PCDHGA9: variants seen among roughly 807,000 people sequenced by gnomAD.
The protein encoded by PCDHGA9 is protocadherin gamma-A9.
Under a neutral mutation model 62.5 loss-of-function variants are expected in PCDHGA9, and 37 were observed. That is an observed-to-expected ratio of 0.59 (90% CI 0.46 to 0.78). The LOEUF is 0.78. Among genes scored for constraint, PCDHGA9 ranks in the 30% least tolerant of loss-of-function variants. The probability of loss-of-function intolerance (pLI) is 0.00; values close to 1 mark genes in which losing one functional copy is unlikely to be tolerated. For missense variants in PCDHGA9, 1,138 were observed against 1,166.2 expected, an observed-to-expected ratio of 0.98 and a Z score of 0.35; for synonymous variants, 459 against 484.6, an observed-to-expected ratio of 0.95 and a Z score of 0.69.
At chr5:141,409,904 G>A in intron 1 of PCDHGA9, 3 of 1,613,278 alleles carry the variant, frequency 1.9e-6, no homozygotes, top group Non-Finnish European at 2.5e-6. Flanking sequence ...CCCAGCTCTG[G>A]GTCCTGACGG....
chr5:141,422,883 C>A, intron 1 of PCDHGA9: 1 of 1,614,242 alleles, frequency 6.2e-7, no homozygotes, highest in Non-Finnish European at 8.5e-7. Flanking sequence ...TGAGCCTGTT[C>A]GTGCTGGACC....
Position 141,501,335 on chromosome 5 carries a change from C to A in PCDHGA9, c.2484-4058C>A, listed in dbSNP as rs977626682. 1.5e-4 allele frequency among the ~76,000 whole-genome samples: 20 copies of A among 135,718 alleles called. No individual in the cohort carries two copies. In the East Asian group the frequency reaches 2.2e-3, roughly 15 times the overall value. The allele number at this position is 135,718 out of a possible 152,430, so 89.0% of individuals were successfully genotyped here. The stretch of plus-strand genomic sequence containing the variant: ...CACACACACACACACACACACACAC[C>A]CCAAACTCAATAGGGCAAGAACCAT... On this transcript the variant is annotated intron_variant, in intron 2 of 3. Transcript: ENST00000573521.
chr5:141,414,649 AT>A (rs1410490912), intron 1 of PCDHGA9: 15 of 1,613,914 alleles, frequency 9.3e-6, no homozygotes, highest in Non-Finnish European at 1.3e-5. Context: ...TGCCCAGATT[AT>A]TTACTCCCTG....
chr5:141,501,419 C>A (rs910783867), intron 2 of PCDHGA9, among the ~76,000 whole-genome samples: 1 of 151,920 alleles, frequency 6.6e-6, no homozygotes, highest in Non-Finnish European at 1.5e-5. Flanking sequence ...AAATAGTTGA[C>A]TAAATGTAGT....
intron 1 of PCDHGA9, chr5:141,484,931 A>G (rs940135310): frequency 1.4e-5 from 7 of 497,998 alleles, no homozygotes; most frequent in Non-Finnish European, 2.5e-5. Flanking sequence ...TGCTGTTGGG[A>G]CGTTCTCTGC....
At chr5:141,421,973 G>C in intron 1 of PCDHGA9, 1 of 1,610,100 alleles carries the variant, frequency 6.2e-7, no homozygotes, top group Non-Finnish European at 8.5e-7. Context: ...TCCGTATATC[G>C]CGTGAGTGTT....
chr5:141,487,162 G>T lies in PCDHGA9; in HGVS notation c.2425-7645G>T, dbSNP rs2099640627. 6.2e-7 allele frequency: 1 copy of T among 1,613,496 alleles called. No individual in the cohort carries two copies. Among genetic ancestry groups the T allele is most frequent in the African/African-American group, 1.3e-5 (1 of 75,026 alleles). On this transcript the variant is annotated intron_variant, in intron 1 of 3. Transcript: ENST00000573521. This position sits in a 1 kb window ranked among gnomAD's most constrained non-coding sequence, Gnocchi z 5.0. ...TCTCTACCTCTGTTACTCTCTTAGTGTCCTTAGAGGAAGACACTCATCCAG... is the reference window on the plus strand; with the variant it reads ...TCTCTACCTCTGTTACTCTCTTAGTTTCCTTAGAGGAAGACACTCATCCAG...
intron 1 of PCDHGA9, chr5:141,417,791 C>T: frequency 6.7e-7 from 1 of 1,482,658 alleles, no homozygotes; most frequent in Non-Finnish European, 9.0e-7. Context: ...GCCGAATGCT[C>T]TTTTAGCGCG....
chr5:141,503,598 CAAAA>C (rs765754054), intron 2 of PCDHGA9, among the ~76,000 whole-genome samples: 2 of 65,756 alleles, frequency 3.0e-5, no homozygotes. Flanking sequence ...GACTCCAGCT[CAAAA>C]AAAAAAAAAA....
chr5:141,430,108 G>A (rs572634913), intron 1 of PCDHGA9, among the ~76,000 whole-genome samples: 1 of 152,190 alleles, frequency 6.6e-6, no homozygotes, highest in South Asian at 2.1e-4. Context: ...AGCGTTACAT[G>A]TCAACAACCT....
At chr5:141,428,024 A>G (rs2097101613) in intron 1 of PCDHGA9, 1 of 1,606,106 alleles carries the variant, frequency 6.2e-7, no homozygotes, top group African/African-American at 1.3e-5. Context: ...CACGCGCCGC[A>G]GAGTCCGGCT....
At chr5:141,442,708 A>C (rs2098338740) in intron 1 of PCDHGA9, among the ~76,000 whole-genome samples, 2 of 152,254 alleles carry the variant, frequency 1.3e-5, no homozygotes, top group Non-Finnish European at 2.9e-5. Context: ...AGTATCAGAC[A>C]TGCCAGAGCA....
At position 141,403,420 on chromosome 5, in the gene PCDHGA9, A is replaced by G; in HGVS notation, c.468A>G (p.Glu156=). The change falls in exon 1 of 4, where the codon GAA becomes GAG. Residue 156 remains glutamate (E), a synonymous_variant. Transcript: ENST00000573521. ...CTGGAGCACGTTATCCACTTCCAGA[A>G]GCTATTGATCCGGATGTTGGCGTGA... is the stretch of plus-strand genomic sequence containing the variant. ...AVPGARYPLP[E]AIDPDVGVNS... 1 of 1,614,050 alleles carries G rather than the reference A, an allele frequency of 6.2e-7. No individual in the cohort carries two copies. Among genetic ancestry groups the G allele is most frequent in the African/African-American group, 1.3e-5 (1 of 75,076 alleles).
At chr5:141,460,088 A>C (rs1225262213) in intron 1 of PCDHGA9, among the ~76,000 whole-genome samples, 2 of 151,990 alleles carry the variant, frequency 1.3e-5, no homozygotes, top group Non-Finnish European at 2.9e-5. Flanking sequence ...AAAAATAATA[A>C]TTATACATGT....
Position 141,435,556 on chromosome 5 carries a change from G to C in PCDHGA9, c.2424+30180G>C, listed in dbSNP as rs568743865. ...AGAATTAACAAAATGTGTTTTGAGT[G>C]CTTTTTTTAGTACTGGGGCAAATTT... is the stretch of plus-strand genomic sequence containing the variant. On this transcript the variant is annotated intron_variant, in intron 1 of 3. Transcript: ENST00000573521. Among the ~76,000 whole-genome samples, 7 of 152,242 alleles carry C rather than the reference G, an allele frequency of 4.6e-5. 1 individual carries two copies. Among genetic ancestry groups the C allele is most frequent in the African/African-American group, 1.4e-4 (6 of 41,544 alleles).
At chr5:141,478,068 A>T (rs560968418) in intron 1 of PCDHGA9, 1 of 1,614,134 alleles carries the variant, frequency 6.2e-7, no homozygotes, top group East Asian at 2.2e-5. Flanking sequence ...ATCAAAGACA[A>T]TGGGGAGCCT....
intron 1 of PCDHGA9, among the ~76,000 whole-genome samples, chr5:141,445,711 G>A (rs978623618): frequency 1.3e-5 from 2 of 152,202 alleles, no homozygotes; most frequent in African/African-American, 4.8e-5. Context: ...TTGTCAGGCA[G>A]AGGAAATAGC....
rs113107293 is a variant in PCDHGA9, at chr5:141,432,844, A to G, written c.2424+27468A>G. ...CAGACCTCACTCTGTACCTGGTGGTAGCGGTGGCCGCGGTCTCCTGCGTCT... is the reference window on the plus strand; with the variant it reads ...CAGACCTCACTCTGTACCTGGTGGTGGCGGTGGCCGCGGTCTCCTGCGTCT... On this transcript the variant is annotated intron_variant, in intron 1 of 3. Coordinates refer to ENST00000573521, the MANE Select transcript of PCDHGA9 (RefSeq NM_018921.3). This position sits in a 1 kb window ranked among gnomAD's most constrained non-coding sequence, Gnocchi z 6.0. 0.01 allele frequency: 16,860 copies of G among 1,614,178 alleles called. 121 individuals carry two copies. Among genetic ancestry groups the G allele is most frequent in the Non-Finnish European group, 0.012 (14,441 of 1,180,006 alleles).
chr5:141,450,251 C>T (rs2154563018), intron 1 of PCDHGA9, among the ~76,000 whole-genome samples: 1 of 152,200 alleles, frequency 6.6e-6, no homozygotes. Context: ...CTCCTGACCT[C>T]AAGTGATCTG....
Sources: allele counts gnomAD v4.1 joint callset (sites outside exome capture counted in the v4.1 genomes callset), GRCh38; gene constraint gnomAD v4.1.1; non-coding constraint Gnocchi (gnomAD v3.1); transcripts MANE v1.5; gene names NCBI Gene and HGNC (gene_info 2026-07-23, HGNC 2026-07-21).